The following GPC3 variants were observed in gnomAD, a reference collection of about 807,000 sequenced individuals.
GPC3 encodes glypican 3.
In GPC3, 3 loss-of-function variants were observed where a neutral mutation model predicts 34.4. The observed-to-expected ratio is 0.09, with a 90% CI of 0.04 to 0.23. The LOEUF (loss-of-function observed/expected upper bound fraction) is 0.23, where lower values mean the gene tolerates loss of function less well. Ranked by LOEUF, GPC3 falls within the 10% of genes least tolerant of loss-of-function variation. GPC3 has a pLI of 1.00. For synonymous variants in GPC3, 177 were observed against 174.0 expected (o/e 1.02, Z -0.13); for missense variants, 351 against 445.6 (o/e 0.79, Z 1.91).
intron 7 of GPC3, among the ~76,000 whole-genome samples, chrX:133,584,947 CA>C (rs1326496909): frequency 3.6e-5 from 3 of 83,533 alleles, no homozygotes; most frequent in African/African-American, 1.3e-4. Context: ...AAAAAAAAAA[CA>C]AAAAAACAAA....
At chrX:133,574,599 T>C (rs1230533596) in intron 7 of GPC3, among the ~76,000 whole-genome samples, 1 of 112,398 alleles carries the variant, frequency 8.9e-6, no homozygotes, top group Non-Finnish European at 1.9e-5. Flanking sequence ...CAAACTGATA[T>C]CTTCTTTATG....
At chrX:133,585,499 A>G (rs1227188866) in intron 7 of GPC3, among the ~76,000 whole-genome samples, 4 of 111,275 alleles carry the variant, frequency 3.6e-5, no homozygotes, top group Non-Finnish European at 7.5e-5. Context: ...TTTATCATGG[A>G]AACTTTGGAC....
At chrX:133,869,669 C>T (rs958287371) in intron 2 of GPC3, among the ~76,000 whole-genome samples, 6 of 111,894 alleles carry the variant, frequency 5.4e-5, no homozygotes, top group African/African-American at 6.5e-5. Context: ...ACTGGGTGGC[C>T]GGGCATGGTG....
At chrX:133,877,314 C>T (rs1377934712) in intron 2 of GPC3, among the ~76,000 whole-genome samples, 1 of 111,694 alleles carries the variant, frequency 9.0e-6, no homozygotes, top group Non-Finnish European at 1.9e-5. Context: ...AGTTTTACTA[C>T]AACAGTGGTA....
At chrX:133,820,480 G>A (rs1027176010) in intron 2 of GPC3, among the ~76,000 whole-genome samples, 26 of 111,750 alleles carry the variant, frequency 2.3e-4, no homozygotes, top group African/African-American at 8.5e-4. Context: ...GGGACTTTGA[G>A]TGGCAGTAAA....
chrX:133,958,586 G>C (rs1361421026), intron 1 of GPC3, among the ~76,000 whole-genome samples: 1 of 106,106 alleles, frequency 9.4e-6, no homozygotes, highest in Non-Finnish European at 1.9e-5. Flanking sequence ...AGATCAAGGG[G>C]AGGCAGATGA....
At chrX:133,928,482 C>T (rs1258873850) in intron 2 of GPC3, among the ~76,000 whole-genome samples, 1 of 111,361 alleles carries the variant, frequency 9.0e-6, no homozygotes, top group African/African-American at 3.3e-5. Context: ...CATGGTAGTC[C>T]TAATTTTAAT....
rs961833288 is a variant in GPC3 at position 133,897,407 on chromosome X, T to C, written c.337+55643A>G. ...AGGATGATACTGATGGTGTATTCTATCCACGTTTTTGCTTGCATCACAAAC... is the reference window on the plus strand; with the variant it reads ...AGGATGATACTGATGGTGTATTCTACCCACGTTTTTGCTTGCATCACAAAC... On this transcript the variant is annotated intron_variant, in intron 2 of 7. Transcript: ENST00000370818. 4.6e-5 allele frequency among the ~76,000 whole-genome samples: 5 copies of C among 108,774 alleles called. No individual in the cohort carries two copies. In the East Asian group the frequency reaches 8.7e-4, roughly 19 times the overall value. The allele number at this position is 108,774 out of a possible 115,157, so 94.5% of individuals were successfully genotyped here. A position where few individuals can be genotyped will look rare whatever the true frequency, so the allele number is the denominator to read the frequency against.
chrX:133,979,619 C>G (rs1332642892), intron 1 of GPC3, among the ~76,000 whole-genome samples: 1 of 111,779 alleles, frequency 8.9e-6, no homozygotes. Flanking sequence ...CACGCATTTT[C>G]TCTGCTGATA....
At chrX:133,837,172 A>C (rs1343001406) in intron 2 of GPC3, among the ~76,000 whole-genome samples, 3 of 111,651 alleles carry the variant, frequency 2.7e-5, no homozygotes, top group Non-Finnish European at 5.6e-5. Flanking sequence ...GAGTGAGCAG[A>C]CATCATGTGG....
intron 2 of GPC3, among the ~76,000 whole-genome samples, chrX:133,950,785 A>G (rs2076389213): frequency 9.0e-6 from 1 of 111,607 alleles, no homozygotes; most frequent in South Asian, 3.8e-4. Flanking sequence ...GTTTGTTACA[A>G]AAGGATTTAG....
intron 2 of GPC3, among the ~76,000 whole-genome samples, chrX:133,757,373 T>C (rs1277862382): frequency 9.0e-6 from 1 of 111,445 alleles, no homozygotes; most frequent in Admixed American, 9.6e-5. Context: ...ATTCTCCAGA[T>C]GTGGCTTGAT....
chrX:133,704,239 G>T, intron 3 of GPC3: 2 of 1,103,291 alleles, frequency 1.8e-6, no homozygotes, highest in East Asian at 3.3e-5. Flanking sequence ...GAAGAAGATA[G>T]GATATTTGAA....
chrX:133,840,730 A>G (rs1260735347), intron 2 of GPC3, among the ~76,000 whole-genome samples: 1 of 111,249 alleles, frequency 9.0e-6, no homozygotes, highest in South Asian at 3.9e-4. Flanking sequence ...TAGACAGAGT[A>G]GGTCAAAGGA....
intron 2 of GPC3, among the ~76,000 whole-genome samples, chrX:133,805,926 G>GA (rs1394645174): frequency 8.9e-6 from 1 of 112,026 alleles, no homozygotes; most frequent in Non-Finnish European, 1.9e-5. Flanking sequence ...TTTCACTGAT[G>GA]AAAAAAGGAA....
chrX:133,695,776 TAGAA>T (rs1287403908), intron 4 of GPC3, among the ~76,000 whole-genome samples: 2 of 112,262 alleles, frequency 1.8e-5, no homozygotes, highest in African/African-American at 3.2e-5. Flanking sequence ...TAAAGAAAGA[TAGAA>T]AGGGAAAAAA....
At chrX:133,685,568 G>A (rs1036043024) in intron 5 of GPC3, among the ~76,000 whole-genome samples, 20 of 107,265 alleles carry the variant, frequency 1.9e-4, no homozygotes, top group South Asian at 4.0e-4. Flanking sequence ...GTGTGTGTGT[G>A]TATATATATA....
intron 2 of GPC3, among the ~76,000 whole-genome samples, chrX:133,901,911 C>T (rs747476776): frequency 8.9e-6 from 1 of 112,218 alleles, no homozygotes; most frequent in East Asian, 2.8e-4. Context: ...GTACTATCTC[C>T]CAATTTCTAG....
chrX:133,827,765 AGAGT>A (rs1382585514), intron 2 of GPC3, among the ~76,000 whole-genome samples: 1 of 108,934 alleles, frequency 9.2e-6, no homozygotes. Context: ...CCTAGGCAAC[AGAGT>A]GAGACTCCAT....
Sources: gnomAD v4.1 joint callset for allele counts (sites outside exome capture counted in the v4.1 genomes callset) on GRCh38, gnomAD v4.1.1 for gene constraint, MANE v1.5 for transcripts, NCBI Gene and HGNC (gene_info 2026-07-23, HGNC 2026-07-21) for gene names.